The following ANKS1A variants were observed in gnomAD, a reference collection of about 807,000 sequenced individuals.
ANKS1A encodes the protein ankyrin repeat and SAM domain-containing protein 1A.
Under a neutral mutation model 120.3 loss-of-function variants are expected in ANKS1A, and 55 were observed. The ratio of observed to expected loss-of-function variants is 0.46; its 90% CI spans 0.37 to 0.57. The LOEUF (loss-of-function observed/expected upper bound fraction) is 0.57. Among genes scored for constraint, ANKS1A ranks in the 20% least tolerant of loss-of-function variants. The pLI, the probability that ANKS1A is intolerant of heterozygous loss-of-function variation, is 0.00. For missense variants in ANKS1A, 1,123 were observed against 1,480.3 expected (o/e 0.76, Z 3.96); for synonymous variants, 590 against 604.7 (o/e 0.98, Z 0.36).
Position 34,982,953 on chromosome 6 carries a change from T to G in ANKS1A, c.808+126T>G. The G allele has an allele frequency of 1.5e-6, 2 of 1,299,604 alleles. No homozygotes were observed. The highest frequency in any genetic ancestry group is 2.4e-5 in the South Asian group (2 of 81,878). 80.5% of individuals were successfully genotyped at this position (1,299,604 alleles called of 1,614,324 possible). On this transcript the variant is annotated intron_variant, in intron 5 of 23. Transcript: ENST00000360359. The surrounding 1 kb of genome is among the most constrained non-coding windows in gnomAD (Gnocchi z 4.9). ...ATGTATGTGTATCTCCACTGGTTGATTACAAGTGTGTAAACTGTTCTTGAA... is the reference window on the plus strand; with the variant it reads ...ATGTATGTGTATCTCCACTGGTTGAGTACAAGTGTGTAAACTGTTCTTGAA...
chr6:35,082,673 A>G lies in ANKS1A; in HGVS notation c.2710-18A>G, dbSNP rs201626790. 1.9e-4 allele frequency: 312 copies of G among 1,601,826 alleles called. 2 individuals carry two copies. In the East Asian group the frequency reaches 4.3e-3, roughly 22 times the overall value. On this transcript the variant is annotated intron_variant, in intron 17 of 23. Coordinates refer to ENST00000360359, the MANE Select transcript of ANKS1A (RefSeq NM_015245.3). This position sits in a 1 kb window ranked among gnomAD's most constrained non-coding sequence, Gnocchi z 4.1. ...CTCTGGAGCAAGGAGCAGGTGTCCA[A>G]TTGCGTGTGTTTCGCAGGAGGAGCA...
intron 1 of ANKS1A, among the ~76,000 whole-genome samples, chr6:34,902,271 C>T (rs532974454): frequency 6.6e-6 from 1 of 151,454 alleles, no homozygotes; most frequent in South Asian, 2.1e-4. Flanking sequence ...CTTTTTGAGA[C>T]GGCGTTTCGC....
chr6:34,986,306 C>T (rs1315446635), intron 8 of ANKS1A, among the ~76,000 whole-genome samples: 3 of 152,210 alleles, frequency 2.0e-5, no homozygotes, highest in African/African-American at 7.2e-5. Context: ...ACATTGTTCT[C>T]AAGATAACTT....
chr6:34,978,956 C>T (rs895525721), intron 3 of ANKS1A, among the ~76,000 whole-genome samples: 11 of 151,466 alleles, frequency 7.3e-5, no homozygotes, highest in East Asian at 2.0e-4. Context: ...AGTGCAGTGG[C>T]GCAATCTCGG....
At chr6:34,917,743 G>T (rs965291053) in intron 1 of ANKS1A, among the ~76,000 whole-genome samples, 2 of 152,184 alleles carry the variant, frequency 1.3e-5, no homozygotes, top group Non-Finnish European at 2.9e-5. Context: ...AGACCCGAAG[G>T]CCTATGGCCC....
intron 1 of ANKS1A, among the ~76,000 whole-genome samples, chr6:34,930,879 CT>C (rs1224588141): frequency 0.024 from 3,368 of 139,024 alleles, 40 homozygotes; most frequent in Middle Eastern, 0.043. Flanking sequence ...CACATAAAGT[CT>C]TTTTTTTTTT....
At chr6:34,916,668 C>T (rs1026988668) in intron 1 of ANKS1A, among the ~76,000 whole-genome samples, 3 of 152,046 alleles carry the variant, frequency 2.0e-5, no homozygotes, top group Non-Finnish European at 4.4e-5. Flanking sequence ...TGAAATATAC[C>T]CTGTCCCTAT....
At chr6:34,987,775 T>C (rs1287634955) in intron 8 of ANKS1A, among the ~76,000 whole-genome samples, 2 of 152,244 alleles carry the variant, frequency 1.3e-5, no homozygotes, top group African/African-American at 2.4e-5. Flanking sequence ...CATCTTTCCA[T>C]GCAGATTTTG....
intron 6 of ANKS1A, 39 bp downstream of exon 6, chr6:34,983,253 C>T: frequency 1.2e-6 from 2 of 1,610,820 alleles, no homozygotes; most frequent in Non-Finnish European, 1.7e-6. Flanking sequence ...CCAGGGGACA[C>T]ACGAATTGAA....
rs1180376393 is a variant in ANKS1A, at chr6:35,044,814, G to T, written c.2011-9285G>T. ...TTTAGATAGAATTTTGTTTATTTTG[G>T]AACCAGATAAATGTGAATGGCAAGT... On this transcript the variant is annotated intron_variant, in intron 11 of 23. Coordinates refer to ENST00000360359, the MANE Select transcript of ANKS1A (RefSeq NM_015245.3). This position sits in a 1 kb window ranked among gnomAD's most constrained non-coding sequence, Gnocchi z 4.4. Among the ~76,000 whole-genome samples, 1 of 152,278 alleles carries T rather than the reference G, an allele frequency of 6.6e-6. No homozygotes were observed. Among genetic ancestry groups the T allele is most frequent in the East Asian group, 1.9e-4 (1 of 5,192 alleles).
intron 10 of ANKS1A, among the ~76,000 whole-genome samples, chr6:34,999,285 G>A (rs1255864346): frequency 1.3e-5 from 2 of 152,206 alleles, no homozygotes; most frequent in African/African-American, 4.8e-5. Flanking sequence ...CCCATGGCGT[G>A]CCTGTACCGG....
rs1450011223 is a variant in ANKS1A, at chr6:35,090,228, G to A, written c.*1619G>A. On this transcript the variant is annotated 3_prime_UTR_variant, in exon 24 of 24. Coordinates refer to ENST00000360359, the MANE Select transcript of ANKS1A (RefSeq NM_015245.3). Reference sequence around the variant, plus strand: ...TTACTTCATTTCCTGCCCCTTTCAGGGCCTGTGAGGATGCCCATGAGCTAC... The same window carrying A: ...TTACTTCATTTCCTGCCCCTTTCAGAGCCTGTGAGGATGCCCATGAGCTAC... 3.1e-6 allele frequency: 4 copies of A among 1,289,476 alleles called. No individual in the cohort carries two copies. Among genetic ancestry groups the A allele is most frequent in the African/African-American group, 3.0e-5 (2 of 65,854 alleles). 79.9% of individuals were successfully genotyped at this position (1,289,476 alleles called of 1,614,324 possible). A position where few individuals can be genotyped will look rare whatever the true frequency, so the allele number is the denominator to read the frequency against.
At chr6:35,078,784 C>T in intron 14 of ANKS1A, 128 bp downstream of exon 14, 1 of 827,672 alleles carries the variant, frequency 1.2e-6, no homozygotes, top group Non-Finnish European at 1.9e-6. Context: ...ACCTCTACCC[C>T]TCACCCTAGG....
chr6:34,898,056 G>C (rs1402892322), intron 1 of ANKS1A, among the ~76,000 whole-genome samples: 1 of 152,168 alleles, frequency 6.6e-6, no homozygotes, highest in Non-Finnish European at 1.5e-5. Flanking sequence ...TGAGCTAAAG[G>C]ATGTAAGGCA....
intron 1 of ANKS1A, among the ~76,000 whole-genome samples, chr6:34,918,868 T>G (rs370350610): frequency 1.3e-5 from 2 of 152,340 alleles, no homozygotes; most frequent in South Asian, 4.1e-4. Flanking sequence ...TAATTTTTTA[T>G]TGAGACAGGG....
At chr6:34,949,067 G>A (rs1733173989) in intron 1 of ANKS1A, among the ~76,000 whole-genome samples, 1 of 152,208 alleles carries the variant, frequency 6.6e-6, no homozygotes, top group African/African-American at 2.4e-5. Context: ...TGGGGTTAGT[G>A]AGATGAATAA....
chr6:34,999,801 C>T (rs531917997), intron 10 of ANKS1A, among the ~76,000 whole-genome samples: 337 of 151,820 alleles, frequency 2.2e-3, no homozygotes, highest in Non-Finnish European at 3.8e-3. Context: ...GCAGCATAAG[C>T]GGCTGGCAGA....
intron 1 of ANKS1A, among the ~76,000 whole-genome samples, chr6:34,896,925 T>G (rs1308278356): frequency 3.3e-5 from 5 of 151,540 alleles, no homozygotes; most frequent in African/African-American, 9.7e-5. Context: ...GATCGTGCCA[T>G]TGCACTCCAG....
chr6:34,904,327 AT>A (rs1561838648), intron 1 of ANKS1A, among the ~76,000 whole-genome samples: 3 of 142,944 alleles, frequency 2.1e-5, no homozygotes, highest in South Asian at 4.3e-4. Flanking sequence ...TTTTCTGAAT[AT>A]TTTTTTTCCA....
Sources: allele counts gnomAD v4.1 joint callset (sites outside exome capture counted in the v4.1 genomes callset), GRCh38; gene constraint gnomAD v4.1.1; non-coding constraint Gnocchi (gnomAD v3.1); transcripts MANE v1.5; gene names NCBI Gene and HGNC (gene_info 2026-07-23, HGNC 2026-07-21).